The following ADAMTS6 variants were observed in gnomAD, a reference collection of about 807,000 sequenced individuals.
ADAMTS6 encodes the protein ADAM metallopeptidase with thrombospondin type 1 motif 6.
Under a neutral mutation model 144.3 loss-of-function variants are expected in ADAMTS6, and 23 were observed. That is an observed-to-expected ratio of 0.16 (90% confidence interval 0.11 to 0.23). The LOEUF (loss-of-function observed/expected upper bound fraction) is 0.23. ADAMTS6 is among the 10% of genes least tolerant of loss of function. The probability of loss-of-function intolerance (pLI) is 1.00; values close to 1 mark genes in which losing one functional copy is unlikely to be tolerated. For missense variants in ADAMTS6, 999 were observed against 1,379.6 expected (o/e 0.72, Z 4.37); for synonymous variants, 444 against 457.5 (o/e 0.97, Z 0.38).
chr5:65,220,608 G>A (rs1369599855), intron 18 of ADAMTS6, among the ~76,000 whole-genome samples: 4 of 152,074 alleles, frequency 2.6e-5, no homozygotes, highest in South Asian at 2.1e-4. Context: ...TTAGCCGGGC[G>A]TCAACGTGGG....
intron 7 of ADAMTS6, among the ~76,000 whole-genome samples, chr5:65,450,517 G>C (rs987545392): frequency 2.6e-5 from 4 of 151,992 alleles, no homozygotes; most frequent in Non-Finnish European, 4.4e-5. Flanking sequence ...TCATACCAAA[G>C]ACTATTTCAC....
intron 22 of ADAMTS6, among the ~76,000 whole-genome samples, chr5:65,181,819 T>G (rs1231668178): frequency 6.6e-6 from 1 of 152,252 alleles, no homozygotes; most frequent in Non-Finnish European, 1.5e-5. Context: ...TTTTTGTATT[T>G]CGAGGCTATG....
At chr5:65,321,629 A>T (rs1397761198) in intron 9 of ADAMTS6, among the ~76,000 whole-genome samples, 3 of 151,104 alleles carry the variant, frequency 2.0e-5, no homozygotes, top group African/African-American at 7.3e-5. Flanking sequence ...CTATGTCCTG[A>T]ATTGTATTGC....
At chr5:65,451,327 A>G in intron 7 of ADAMTS6, 148 bp downstream of exon 7, 1 of 753,502 alleles carries the variant, frequency 1.3e-6, no homozygotes, top group Non-Finnish European at 2.1e-6. Flanking sequence ...ATAATAGTGT[A>G]ATACATTCTT....
intron 7 of ADAMTS6, among the ~76,000 whole-genome samples, chr5:65,381,999 T>C (rs1359160113): frequency 6.6e-6 from 1 of 152,198 alleles, no homozygotes. Flanking sequence ...AAACAGACTT[T>C]TGTATAACTA....
intron 7 of ADAMTS6, among the ~76,000 whole-genome samples, chr5:65,348,343 C>T (rs1293835491): frequency 1.3e-5 from 2 of 152,000 alleles, no homozygotes; most frequent in African/African-American, 4.8e-5. Flanking sequence ...GAAGGAAATC[C>T]TGTTATTTAA....
At chr5:65,362,279 A>C (rs892896148) in intron 7 of ADAMTS6, among the ~76,000 whole-genome samples, 6 of 152,198 alleles carry the variant, frequency 3.9e-5, no homozygotes, top group Non-Finnish European at 7.3e-5. Flanking sequence ...GTAACTAGCT[A>C]TATATACCAT....
At chr5:65,205,631 T>G (rs974520786) in intron 20 of ADAMTS6, among the ~76,000 whole-genome samples, 1 of 152,154 alleles carries the variant, frequency 6.6e-6, no homozygotes, top group African/African-American at 2.4e-5. Flanking sequence ...ATAGAAACAA[T>G]GTAGAAATAC....
chr5:65,326,738 A>G (rs1015154004), intron 9 of ADAMTS6, among the ~76,000 whole-genome samples: 4 of 152,166 alleles, frequency 2.6e-5, no homozygotes, highest in African/African-American at 9.7e-5. Flanking sequence ...TATTGGATAT[A>G]TTTACTATGG....
intron 7 of ADAMTS6, among the ~76,000 whole-genome samples, chr5:65,365,406 G>A (rs1273124765): frequency 2.0e-5 from 3 of 152,148 alleles, no homozygotes; most frequent in Non-Finnish European, 4.4e-5. Context: ...AGCACTTTGG[G>A]AGGCCAAGGC....
chr5:65,278,636 G>T (rs919467791), intron 11 of ADAMTS6, among the ~76,000 whole-genome samples: 1 of 152,210 alleles, frequency 6.6e-6, no homozygotes, highest in African/African-American at 2.4e-5. Context: ...TTGTTTAGTT[G>T]TATCTGTGTT....
chr5:65,170,979 C>G (rs924717168), intron 23 of ADAMTS6, among the ~76,000 whole-genome samples: 1 of 151,744 alleles, frequency 6.6e-6, no homozygotes, highest in Non-Finnish European at 1.5e-5. Context: ...GCTGGGATTA[C>G]AGGCATGAGC....
chr5:65,391,785 G>C (rs928020481), intron 7 of ADAMTS6, among the ~76,000 whole-genome samples: 3 of 151,294 alleles, frequency 2.0e-5, no homozygotes, highest in Non-Finnish European at 4.4e-5. Context: ...CACCCAGCTG[G>C]AATGCAGTAG....
Position 65,262,510 on chromosome 5 carries a change from C to T in ADAMTS6, c.1766+307G>A, listed in dbSNP as rs192981684. ...TAGCTAAGACCAGATCTGGATTCAT[C>T]CATAATTCAGTAGTTTTTGGAGGAG... On this transcript the variant is annotated intron_variant, in intron 13 of 24. Transcript: ENST00000381055. 1.1e-3 allele frequency among the ~76,000 whole-genome samples: 160 copies of T among 152,188 alleles called. 1 individual carries two copies. The highest frequency in any genetic ancestry group is 1.6e-3 in the Non-Finnish European group (110 of 68,026).
intron 18 of ADAMTS6, among the ~76,000 whole-genome samples, chr5:65,217,882 G>A (rs1281777701): frequency 6.6e-6 from 1 of 152,126 alleles, no homozygotes; most frequent in Non-Finnish European, 1.5e-5. Flanking sequence ...CCCTCCCATT[G>A]TAAATAATCA....
chr5:65,299,413 C>A (rs1239742130), intron 10 of ADAMTS6, among the ~76,000 whole-genome samples: 1 of 152,076 alleles, frequency 6.6e-6, no homozygotes, highest in African/African-American at 2.4e-5. Flanking sequence ...CATAGTTATA[C>A]CTGAGCTAAT....
intron 4 of ADAMTS6, 53 bp downstream of exon 4, chr5:65,460,117 A>G: frequency 1.3e-6 from 2 of 1,560,904 alleles, no homozygotes; most frequent in Non-Finnish European, 1.7e-6. Flanking sequence ...CAGAAGAAAG[A>G]AAAAGCAGCA....
At chr5:65,318,940 C>G (rs1561417416) in intron 9 of ADAMTS6, among the ~76,000 whole-genome samples, 1 of 152,034 alleles carries the variant, frequency 6.6e-6, no homozygotes, top group Non-Finnish European at 1.5e-5. Context: ...CCAAAATTCT[C>G]CATGATGTGA....
intron 12 of ADAMTS6, among the ~76,000 whole-genome samples, chr5:65,270,166 G>A (rs1257515974): frequency 6.6e-6 from 1 of 152,168 alleles, no homozygotes; most frequent in African/African-American, 2.4e-5. Flanking sequence ...TAGATGGCAA[G>A]TATACAAACT....
Sources: gnomAD v4.1 joint callset for allele counts (sites outside exome capture counted in the v4.1 genomes callset) on GRCh38, gnomAD v4.1.1 for gene constraint, MANE v1.5 for transcripts, NCBI Gene and HGNC (gene_info 2026-07-23, HGNC 2026-07-21) for gene names.